TRPM7: variants seen among roughly 807,000 people sequenced by gnomAD.
The protein encoded by TRPM7 is LTRPC ion channel family member 7.
TRPM7 carries 134 observed loss-of-function variants against 229.7 expected under a neutral mutation model. The ratio of observed to expected loss-of-function variants is 0.58; its 90% CI spans 0.51 to 0.67. The LOEUF is 0.67. Among genes scored for constraint, TRPM7 ranks in the 30% least tolerant of loss-of-function variants. The pLI, the probability that TRPM7 is intolerant of heterozygous loss-of-function variation, is 0.00. For synonymous variants in TRPM7, 699 were observed against 715.2 expected (o/e 0.98, Z 0.36); for missense variants, 1,901 against 2,210.0 (o/e 0.86, Z 2.80).
Position 50,575,716 on chromosome 15 carries a change from G to T in TRPM7, c.4735+8C>A. 6.2e-7 allele frequency: 1 copy of T among 1,605,404 alleles called. No homozygotes were observed. On this transcript the variant is annotated splice_region_variant and intron_variant, in intron 33 of 38. Transcript: ENST00000646667. ...TCACTTATTTATTTCTTTAATTTTT[G>T]GATTTACCTCTTGGAGGCACAGGTG... is the stretch of plus-strand genomic sequence containing the variant.
chr15:50,621,025 G>A (rs1596224152), intron 12 of TRPM7, among the ~76,000 whole-genome samples: 1 of 152,056 alleles, frequency 6.6e-6, no homozygotes, highest in African/African-American at 2.4e-5. Flanking sequence ...CGGGCATGGT[G>A]GCGGGCGCCT....
chr15:50,600,917 G>A (rs4775892), intron 21 of TRPM7, among the ~76,000 whole-genome samples: 1 of 152,028 alleles, frequency 6.6e-6, no homozygotes, highest in Non-Finnish European at 1.5e-5. Context: ...GGCCTAACAC[G>A]CTCCAAAATT....
chr15:50,658,924 C>T (rs572424300), intron 2 of TRPM7, among the ~76,000 whole-genome samples: 9 of 152,124 alleles, frequency 5.9e-5, no homozygotes, highest in African/African-American at 1.2e-4. Flanking sequence ...AGTGGCCAGG[C>T]GCAGTGGCTC....
At chr15:50,573,779 G>A (rs1022202407) in intron 36 of TRPM7, among the ~76,000 whole-genome samples, 17 of 152,144 alleles carry the variant, frequency 1.1e-4, no homozygotes, top group Admixed American at 2.0e-4. Flanking sequence ...TAGATAGCCA[G>A]GCCGGGTGTG....
At chr15:50,563,272 C>G (rs528580696) in intron 38 of TRPM7, among the ~76,000 whole-genome samples, 46 of 152,346 alleles carry the variant, frequency 3.0e-4, no homozygotes, top group African/African-American at 1.1e-3. Context: ...AAAATATTTG[C>G]TACCTTGCCC....
intron 11 of TRPM7, among the ~76,000 whole-genome samples, chr15:50,625,084 A>G (rs1223046558): frequency 6.6e-6 from 1 of 152,238 alleles, no homozygotes; most frequent in Non-Finnish European, 1.5e-5. Context: ...TTGAAATCAA[A>G]TATTGGTAAA....
intron 4 of TRPM7, among the ~76,000 whole-genome samples, chr15:50,646,813 TATA>T (rs1596298361): frequency 6.6e-6 from 1 of 152,222 alleles, no homozygotes; most frequent in Non-Finnish European, 1.5e-5. Context: ...TCCCTAATAT[TATA>T]ATACCATACT....
intron 38 of TRPM7, among the ~76,000 whole-genome samples, chr15:50,568,486 A>C (rs1395369912): frequency 6.6e-6 from 1 of 152,146 alleles, no homozygotes; most frequent in Admixed American, 6.5e-5. Context: ...ATAAAAAACA[A>C]ATTTTAAAAA....
Position 50,634,546 on chromosome 15 carries a change from C to G in TRPM7, c.843G>C (p.Gln281His). The G allele has an allele frequency of 7.0e-7, 1 of 1,433,236 alleles. No homozygotes were observed. Among genetic ancestry groups the G allele is most frequent in the Non-Finnish European group, 9.2e-7 (1 of 1,091,944 alleles). The allele number at this position is 1,433,236 out of a possible 1,614,324, so 88.8% of individuals were successfully genotyped here. A position where few individuals can be genotyped will look rare whatever the true frequency, so the allele number is the denominator to read the frequency against. Residue 281 changes from glutamine (Q) to histidine (H), a missense_variant, in exon 8 of 39, where the codon CAG becomes CAC. By Grantham distance (24) the Gln-to-His change is conservative. Transcript: ENST00000646667. ...ATATAAGTGCCACCACAGGGACACC[C>G]TGGCCAATCCCTAAAAAGAGCAAAG... ...NQQRIHARIG[Q>H]GVPVVALIFE... is the part of the protein sequence containing the mutation.
At chr15:50,610,462 T>C (rs1051581986) in intron 17 of TRPM7, among the ~76,000 whole-genome samples, 1 of 152,140 alleles carries the variant, frequency 6.6e-6, no homozygotes, top group African/African-American at 2.4e-5. Context: ...AAATTGTAAT[T>C]GTGTAACAGG....
chr15:50,598,073 C>T (rs1280630799), intron 22 of TRPM7, among the ~76,000 whole-genome samples: 1 of 152,166 alleles, frequency 6.6e-6, no homozygotes, highest in African/African-American at 2.4e-5. Flanking sequence ...TGTGGCCACC[C>T]TTGGACCTAA....
Position 50,592,181 on chromosome 15 carries a change from A to G in TRPM7, c.4054T>C (p.Ser1352Pro), listed in dbSNP as rs755409552. ...EFNFPEAGSS[S>P]GALFPSAVSP... ...ACAGCACTTGGGAATAAGGCACCAG[A>G]AGAGGAACCAGCCTCTGGAAAATTA... Residue 1352 changes from serine (S) to proline (P), a missense_variant, in exon 26 of 39, where the codon TCT becomes CCT. Ser to Pro is a moderately conservative substitution (Grantham distance 74). Coordinates refer to ENST00000646667, the MANE Select transcript of TRPM7 (RefSeq NM_017672.6). The G allele has an allele frequency of 6.8e-6, 11 of 1,614,046 alleles. No individual in the cohort carries two copies. The African/African-American group carries it at 1.1e-4, about 16-fold the overall frequency.
Position 50,569,905 on chromosome 15 carries a change from T to C in TRPM7, c.5449A>G (p.Arg1817Gly). ...RAKHHCNSCC[R>G]KLKLPDLKRN... ...TTTTTACCTGGAAGTTTAAGCTTTCTACAGCAAGAATTACAGTGATGTTTT... is the reference window on the plus strand; with the variant it reads ...TTTTTACCTGGAAGTTTAAGCTTTCCACAGCAAGAATTACAGTGATGTTTT... Residue 1817 changes from arginine to glycine, a missense_variant, in exon 38 of 39, where the codon AGA becomes GGA. Coordinates refer to ENST00000646667, the MANE Select transcript of TRPM7 (RefSeq NM_017672.6). 1 of 1,606,318 alleles carries C rather than the reference T, an allele frequency of 6.2e-7. No homozygotes were observed. The highest frequency in any genetic ancestry group is 8.5e-7 in the Non-Finnish European group (1 of 1,177,498).
rs959190379 is a variant in TRPM7, at chr15:50,559,105, G to A, written c.*2573C>T. 1.9e-4 allele frequency: 29 copies of A among 151,332 alleles called. No homozygotes were observed. Among genetic ancestry groups the A allele is most frequent in the East Asian group, 5.9e-4 (3 of 5,118 alleles). 9.4% of individuals were successfully genotyped at this position (151,332 alleles called of 1,614,324 possible). Reference sequence around the variant, plus strand: ...CTCGCACTGTTGCCCAGGCTGGAGCGCAATGGCACGATCTCAGCTCACTGC... The same window carrying A: ...CTCGCACTGTTGCCCAGGCTGGAGCACAATGGCACGATCTCAGCTCACTGC... On this transcript the variant is annotated 3_prime_UTR_variant, in exon 39 of 39. Coordinates refer to ENST00000646667, the MANE Select transcript of TRPM7 (RefSeq NM_017672.6).
intron 4 of TRPM7, among the ~76,000 whole-genome samples, chr15:50,644,436 T>C (rs1301885463): frequency 6.6e-6 from 1 of 152,208 alleles, no homozygotes; most frequent in African/African-American, 2.4e-5. Flanking sequence ...AGAAACCTTA[T>C]TTGCAAAATG....
chr15:50,612,498 A>G (rs1414020823), intron 16 of TRPM7, 51 bp downstream of exon 16: 1 of 1,558,824 alleles, frequency 6.4e-7, no homozygotes, highest in Non-Finnish European at 8.7e-7. Context: ...CACTCAAACA[A>G]TACCTACTTT....
At chr15:50,566,138 C>G (rs1341764612) in intron 38 of TRPM7, among the ~76,000 whole-genome samples, 6 of 151,798 alleles carry the variant, frequency 4.0e-5, no homozygotes, top group African/African-American at 1.4e-4. Context: ...TAAACTTGTA[C>G]TTCAATTAAA....
chr15:50,641,275 T>G (rs1478721495), intron 5 of TRPM7, among the ~76,000 whole-genome samples: 2 of 152,214 alleles, frequency 1.3e-5, no homozygotes, highest in Non-Finnish European at 2.9e-5. Context: ...CTAGTCACCA[T>G]GCTTCTCTAC....
At chr15:50,592,736 A>C in intron 25 of TRPM7, 110 bp from the exon 26 acceptor site, 1 of 709,748 alleles carries the variant, frequency 1.4e-6, no homozygotes, top group Non-Finnish European at 2.3e-6. Flanking sequence ...CATGCATTTA[A>C]ACAAGATATA....
Sources: allele counts gnomAD v4.1 joint callset (sites outside exome capture counted in the v4.1 genomes callset), GRCh38; gene constraint gnomAD v4.1.1; transcripts MANE v1.5; gene names NCBI Gene and HGNC (gene_info 2026-07-23, HGNC 2026-07-21).